PAN3: variants seen among roughly 807,000 people sequenced by gnomAD.
The protein encoded by PAN3 is PAN2-PAN3 deadenylation complex subunit PAN3.
In PAN3, 19 loss-of-function variants were observed where a neutral mutation model predicts 96.2. The observed-to-expected ratio is 0.20, with a 90% CI of 0.14 to 0.29. The LOEUF is 0.29. PAN3 is among the 10% of genes least tolerant of loss of function. The pLI is 1.00. For synonymous variants in PAN3, 433 were observed against 406.6 expected (o/e 1.06, Z -0.78); for missense variants, 882 against 1,108.1 (o/e 0.80, Z 2.90).
chr13:28,174,217 C>T (rs1430881498), intron 1 of PAN3, 55 bp from the exon 2 acceptor site: 7 of 1,537,430 alleles, frequency 4.6e-6, no homozygotes, highest in Non-Finnish European at 6.2e-6. Flanking sequence ...GAAGTGAAAT[C>T]AATGTTTCAT....
At chr13:28,275,629 A>G (rs1320671006) in intron 14 of PAN3, among the ~76,000 whole-genome samples, 1 of 152,174 alleles carries the variant, frequency 6.6e-6, no homozygotes, top group African/African-American at 2.4e-5. Context: ...TTTCATGAAT[A>G]TAACTTGGAA....
intron 5 of PAN3, among the ~76,000 whole-genome samples, chr13:28,204,857 AC>A (rs1879162173): frequency 6.6e-6 from 1 of 152,186 alleles, no homozygotes; most frequent in Admixed American, 6.5e-5. Context: ...TTATAATATT[AC>A]TATTGTTTTA....
At chr13:28,243,366 T>A (rs1448603070) in intron 6 of PAN3, among the ~76,000 whole-genome samples, 1 of 152,258 alleles carries the variant, frequency 6.6e-6, no homozygotes, top group Non-Finnish European at 1.5e-5. Context: ...AGGCATTTAT[T>A]CAGTGACTTT....
intron 4 of PAN3, among the ~76,000 whole-genome samples, chr13:28,188,308 T>C (rs879343906): frequency 6.6e-6 from 1 of 152,216 alleles, no homozygotes; most frequent in Admixed American, 6.5e-5. Flanking sequence ...TTAAATATCC[T>C]GATACTTTAG....
intron 6 of PAN3, among the ~76,000 whole-genome samples, chr13:28,252,189 T>C (rs972440594): frequency 6.6e-5 from 4 of 60,814 alleles, no homozygotes; most frequent in South Asian, 4.0e-4. Flanking sequence ...CGACGGGCCC[T>C]TTTTTTTTTT....
chr13:28,238,253 T>A (rs980496116), intron 6 of PAN3, among the ~76,000 whole-genome samples: 2 of 152,204 alleles, frequency 1.3e-5, no homozygotes, highest in African/African-American at 4.8e-5. Context: ...AAAAGTGATA[T>A]AAGCGATTAT....
chr13:28,153,360 C>T (rs1385838938), intron 1 of PAN3, among the ~76,000 whole-genome samples: 3 of 151,440 alleles, frequency 2.0e-5, no homozygotes, highest in Non-Finnish European at 4.4e-5. Flanking sequence ...CTCAGCCTCC[C>T]GAGTAGCTGG....
intron 1 of PAN3, among the ~76,000 whole-genome samples, chr13:28,164,523 T>G (rs1304001296): frequency 6.6e-6 from 1 of 152,222 alleles, no homozygotes; most frequent in Non-Finnish European, 1.5e-5. Flanking sequence ...TTGGAAAATG[T>G]CTTCTATGAT....
chr13:28,231,658 T>C (rs181828716), intron 6 of PAN3, among the ~76,000 whole-genome samples: 1 of 152,304 alleles, frequency 6.6e-6, no homozygotes, highest in East Asian at 1.9e-4. Context: ...TTATTTGGGT[T>C]AGATCCACAT....
chr13:28,140,447 A>C (rs1869583434), intron 1 of PAN3, among the ~76,000 whole-genome samples: 1 of 152,200 alleles, frequency 6.6e-6, no homozygotes, highest in African/African-American at 2.4e-5. Flanking sequence ...GTACATGAGA[A>C]CATTTTGTCT....
intron 9 of PAN3, among the ~76,000 whole-genome samples, chr13:28,262,988 C>G (rs1202603742): frequency 6.6e-6 from 1 of 152,164 alleles, no homozygotes; most frequent in African/African-American, 2.4e-5. Flanking sequence ...GTCAATTTTT[C>G]TGAACTGACA....
chr13:28,155,473 T>G (rs1234085614), intron 1 of PAN3, among the ~76,000 whole-genome samples: 3 of 151,978 alleles, frequency 2.0e-5, no homozygotes, highest in Non-Finnish European at 4.4e-5. Flanking sequence ...GTCTGTATTC[T>G]CAGCCACTGG....
intron 7 of PAN3, among the ~76,000 whole-genome samples, chr13:28,258,438 A>G (rs1368600752): frequency 7.9e-5 from 12 of 152,242 alleles, no homozygotes; most frequent in Admixed American, 3.3e-4. Context: ...GGATGAGTCC[A>G]GTTGAAAGAA....
chr13:28,256,418 C>T lies in PAN3; in HGVS notation c.1127C>T (p.Ser376Phe). The T allele has an allele frequency of 6.2e-7, 1 of 1,614,116 alleles. No homozygotes were observed. Among genetic ancestry groups the T allele is most frequent in the Non-Finnish European group, 8.5e-7 (1 of 1,179,990 alleles). ...PASYMVPSSASTSVNNPVSQT... is the reference protein window; with the variant it reads ...PASYMVPSSAFTSVNNPVSQT... ...AGTTACATGGTGCCTTCTAGTGCCT[C>T]TACATCTGTTAATAATCCTGTTTCT... The change falls in exon 7 of 19, where the codon TCT (serine) becomes TTT (phenylalanine). Residue 376 changes from serine (S) to phenylalanine (F), a missense_variant. This residue lies in a region of PAN3 where 364 missense variants were observed against 513.6 expected (regional missense o/e 0.71). Transcript: ENST00000380958.
intron 6 of PAN3, among the ~76,000 whole-genome samples, chr13:28,231,809 G>A (rs1388099037): frequency 1.3e-5 from 2 of 152,124 alleles, no homozygotes; most frequent in African/African-American, 2.4e-5. Context: ...GCTTGAGGCG[G>A]GAGGATTGAT....
intron 3 of PAN3, 133 bp downstream of exon 3, chr13:28,176,692 C>T (rs1211183777): frequency 1.2e-6 from 1 of 852,394 alleles, no homozygotes; most frequent in African/African-American, 1.7e-5. Context: ...ATTATCTTCC[C>T]ACTCAGATCT....
At chr13:28,264,645 A>G (rs1886012065) in intron 9 of PAN3, among the ~76,000 whole-genome samples, 1 of 152,150 alleles carries the variant, frequency 6.6e-6, no homozygotes, top group Non-Finnish European at 1.5e-5. Context: ...TTTACTAGCA[A>G]CCCCATAGCA....
intron 5 of PAN3, among the ~76,000 whole-genome samples, chr13:28,203,286 T>G (rs1878956865): frequency 6.6e-6 from 1 of 151,606 alleles, no homozygotes; most frequent in South Asian, 2.1e-4. Flanking sequence ...TAATTTATTT[T>G]AAGACTTTTC....
At chr13:28,154,028 A>G (rs1270089963) in intron 1 of PAN3, among the ~76,000 whole-genome samples, 1 of 152,264 alleles carries the variant, frequency 6.6e-6, no homozygotes, top group Non-Finnish European at 1.5e-5. Flanking sequence ...ATCTTGGCAT[A>G]GATCTCAAAC....
Sources: allele counts gnomAD v4.1 joint callset (sites outside exome capture counted in the v4.1 genomes callset), GRCh38; gene constraint gnomAD v4.1.1; regional missense constraint gnomAD v4.1.1; transcripts MANE v1.5; gene names NCBI Gene and HGNC (gene_info 2026-07-23, HGNC 2026-07-21).